Variants in HTR2A observed in about 807,000 individuals in gnomAD.
The protein encoded by HTR2A is 5-hydroxytryptamine receptor 2A.
Under a neutral mutation model 31.0 loss-of-function variants are expected in HTR2A, and 14 were observed. That is an observed-to-expected ratio of 0.45 (90% CI 0.30 to 0.71). The LOEUF (loss-of-function observed/expected upper bound fraction) is 0.71. Among genes scored for constraint, HTR2A ranks in the 30% least tolerant of loss-of-function variants. The probability of loss-of-function intolerance (pLI) is 0.09; values close to 1 mark genes in which losing one functional copy is unlikely to be tolerated. For synonymous variants in HTR2A, 209 were observed against 225.2 expected (o/e 0.93, Z 0.64); for missense variants, 442 against 573.3 (o/e 0.77, Z 2.34).
At chr13:46,878,405 A>C (rs1264292541) in intron 3 of HTR2A, among the ~76,000 whole-genome samples, 2 of 152,162 alleles carry the variant, frequency 1.3e-5, no homozygotes, top group African/African-American at 2.4e-5. Context: ...AGAGCTTTTC[A>C]CCTGAGAAGT....
At chr13:46,892,203 G>A (rs1435824226) in intron 3 of HTR2A, among the ~76,000 whole-genome samples, 187 bp downstream of exon 3, 2 of 152,186 alleles carry the variant, frequency 1.3e-5, no homozygotes, top group African/African-American at 2.4e-5. Context: ...CATGTTGTCA[G>A]CCAGTGACAT....
intron 3 of HTR2A, among the ~76,000 whole-genome samples, chr13:46,851,089 C>T (rs913566237): frequency 6.6e-6 from 1 of 152,146 alleles, no homozygotes; most frequent in African/African-American, 2.4e-5. Flanking sequence ...AGGTAATTAT[C>T]CCAATACTCT....
chr13:46,869,025 C>G (rs1165858888), intron 3 of HTR2A, among the ~76,000 whole-genome samples: 1 of 151,882 alleles, frequency 6.6e-6, no homozygotes, highest in African/African-American at 2.4e-5. Context: ...TAGAGAAATA[C>G]AAAGTGATTG....
chr13:46,889,836 A>C (rs1951037276), intron 3 of HTR2A, among the ~76,000 whole-genome samples: 1 of 152,190 alleles, frequency 6.6e-6, no homozygotes, highest in Non-Finnish European at 1.5e-5. Flanking sequence ...GAGTCTCTGT[A>C]GGTCCTTCAT....
chr13:46,890,331 G>A (rs537855665), intron 3 of HTR2A, among the ~76,000 whole-genome samples: 5 of 152,292 alleles, frequency 3.3e-5, no homozygotes, highest in African/African-American at 1.2e-4. Flanking sequence ...CAACAAGAGC[G>A]AAACTTCATC....
intron 3 of HTR2A, among the ~76,000 whole-genome samples, chr13:46,855,660 A>G (rs937246528): frequency 4.6e-5 from 7 of 152,210 alleles, no homozygotes; most frequent in Non-Finnish European, 8.8e-5. Flanking sequence ...TGGGATGGCC[A>G]GCAGGGCAGG....
At chr13:46,846,126 A>G (rs1950641377) in intron 3 of HTR2A, among the ~76,000 whole-genome samples, 1 of 152,182 alleles carries the variant, frequency 6.6e-6, no homozygotes, top group African/African-American at 2.4e-5. Flanking sequence ...TTAGTTTGCA[A>G]TGAGAAAACC....
At chr13:46,879,441 G>A (rs903565641) in intron 3 of HTR2A, among the ~76,000 whole-genome samples, 2 of 152,262 alleles carry the variant, frequency 1.3e-5, no homozygotes, top group Non-Finnish European at 2.9e-5. Context: ...GTTGCTTTGC[G>A]ACATGAATGA....
At position 46,834,940 on chromosome 13, in the gene HTR2A, G is replaced by A. The variant is rs1389449316; in HGVS notation, c.1313C>T (p.Thr438Ile). 2 of 1,614,046 alleles carry A rather than the reference G, an allele frequency of 1.2e-6. No homozygotes were observed. The highest frequency in any genetic ancestry group is 1.3e-5 in the African/African-American group (1 of 75,014). The change falls in exon 4 of 4, where the codon ACA becomes ATA. Residue 438 changes from threonine to isoleucine, a missense_variant. This residue lies in a region of HTR2A where 88 missense variants were observed against 83.1 expected (regional missense o/e 1.06). Coordinates refer to ENST00000542664, the MANE Select transcript of HTR2A (RefSeq NM_000621.5). ...AACCATTGAGCAGTCATTATCTGTT[G>A]TCTTGGCATCTTGCTTTGAATTCTT... ...QKKNSKQDAK[T>I]TDNDCSMVAL...
At chr13:46,886,684 G>A (rs1264116683) in intron 3 of HTR2A, among the ~76,000 whole-genome samples, 2 of 152,154 alleles carry the variant, frequency 1.3e-5, no homozygotes, top group East Asian at 1.9e-4. Context: ...AGGGTACCAA[G>A]GTAGCCAGGA....
intron 3 of HTR2A, among the ~76,000 whole-genome samples, chr13:46,842,341 C>T (rs1241164947): frequency 6.6e-6 from 1 of 152,074 alleles, no homozygotes; most frequent in South Asian, 2.1e-4. Context: ...ATCCTTTCTC[C>T]CATTTCTATC....
At chr13:46,872,312 T>C (rs2138228287) in intron 3 of HTR2A, among the ~76,000 whole-genome samples, 1 of 149,268 alleles carries the variant, frequency 6.7e-6, no homozygotes, top group Non-Finnish European at 1.5e-5. Flanking sequence ...AAATCTAGCA[T>C]GCTGTATTGC....
At position 46,834,991 on chromosome 13, in the gene HTR2A, G is replaced by T. The variant is rs1058576; in HGVS notation, c.1262C>A (p.Ser421Tyr). 1 of 1,614,144 alleles carries T rather than the reference G, an allele frequency of 6.2e-7. No homozygotes were observed. The highest frequency in any genetic ancestry group is 1.7e-5 in the Admixed American group (1 of 60,012). The part of the protein sequence containing the change: ...VNTIPALAYK[S>Y]SQLQMGQKKN... ...TTTTTGTCCCATTTGAAGTTGGCTA[G>T]ACTTGTAGGCCAAAGCCGGTATTGT... The change falls in exon 4 of 4, where the codon TCT becomes TAT. Residue 421 changes from serine to tyrosine, a missense_variant. Ser to Tyr is a moderately radical substitution (Grantham distance 144). Coordinates refer to ENST00000542664, the MANE Select transcript of HTR2A (RefSeq NM_000621.5).
intron 3 of HTR2A, among the ~76,000 whole-genome samples, chr13:46,875,117 G>C (rs776312492): frequency 6.6e-6 from 1 of 152,200 alleles, no homozygotes; most frequent in Non-Finnish European, 1.5e-5. Context: ...TTTATTAAAT[G>C]TATAGCCTGA....
Position 46,894,046 on chromosome 13 carries a change from G to A in HTR2A, c.412+1449C>T, listed in dbSNP as rs556585082. Among the ~76,000 whole-genome samples the A allele has an allele frequency of 2.0e-5, 3 of 152,368 alleles. No individual in the cohort carries two copies. In the East Asian group the frequency reaches 5.8e-4, roughly 29 times the overall value. ...CTCTGTCTGTTCGGAACAGATGTCG[G>A]CCCTCGGAGGGGTTTCTCTGCCAGG... is the stretch of plus-strand genomic sequence containing the variant. On this transcript the variant is annotated intron_variant, in intron 2 of 3. Transcript: ENST00000542664.
chr13:46,876,733 C>T (rs1444191765), intron 3 of HTR2A, among the ~76,000 whole-genome samples: 1 of 152,008 alleles, frequency 6.6e-6, no homozygotes, highest in Non-Finnish European at 1.5e-5. Flanking sequence ...ATATTTTTAA[C>T]AAAAGTTCGT....
intron 3 of HTR2A, among the ~76,000 whole-genome samples, chr13:46,884,678 A>T (rs1387634772): frequency 6.6e-6 from 1 of 152,158 alleles, no homozygotes; most frequent in African/African-American, 2.4e-5. Context: ...TAAAAACAGA[A>T]CAAAACAAAA....
intron 3 of HTR2A, among the ~76,000 whole-genome samples, chr13:46,890,133 C>T (rs9316236): frequency 0.43 from 65,442 of 152,052 alleles, 14,381 homozygotes; most frequent in East Asian, 0.59. Flanking sequence ...CACCTGAGGT[C>T]GGGAGTTCGA....
At chr13:46,874,957 T>A (rs1950896371) in intron 3 of HTR2A, among the ~76,000 whole-genome samples, 1 of 152,228 alleles carries the variant, frequency 6.6e-6, no homozygotes, top group African/African-American at 2.4e-5. Context: ...CCAGACAGGA[T>A]TGAACATCTT....
Sources: allele counts gnomAD v4.1 joint callset (sites outside exome capture counted in the v4.1 genomes callset), GRCh38; gene constraint gnomAD v4.1.1; regional missense constraint gnomAD v4.1.1; transcripts MANE v1.5; gene names NCBI Gene and HGNC (gene_info 2026-07-23, HGNC 2026-07-21).